The following WWOX variants were observed in gnomAD, a reference collection of about 807,000 sequenced individuals.
The protein encoded by WWOX is WW domain containing oxidoreductase, also known as WW domain-containing oxidoreductase.
A neutral mutation model predicts 46.2 loss-of-function variants in WWOX; 69 were observed. The observed-to-expected ratio is 1.49, with a 90% CI of 1.23 to 1.82. The LOEUF is 1.82. Among genes scored for constraint, WWOX ranks in the 40% most tolerant of loss-of-function variants. WWOX has a pLI of 0.00. For synonymous variants in WWOX, 359 were observed against 202.6 expected (o/e 1.77, Z -6.56); for missense variants, 919 against 542.6 (o/e 1.69, Z -6.89).
At chr16:78,299,937 C>A (rs148551148) in intron 5 of WWOX, among the ~76,000 whole-genome samples, 2 of 152,264 alleles carry the variant, frequency 1.3e-5, no homozygotes, top group African/African-American at 4.8e-5. Context: ...ATGGCAGGGA[C>A]CATCTTGCCG....
At chr16:78,657,478 C>T (rs1455736024) in intron 8 of WWOX, among the ~76,000 whole-genome samples, 2 of 152,100 alleles carry the variant, frequency 1.3e-5, no homozygotes, top group African/African-American at 2.4e-5. Flanking sequence ...CCTGCCACTA[C>T]GATGCATGCT....
chr16:78,362,264 G>T (rs560721274), intron 5 of WWOX, among the ~76,000 whole-genome samples: 26 of 152,052 alleles, frequency 1.7e-4, no homozygotes, highest in African/African-American at 5.8e-4. Flanking sequence ...CTTGTAGGAA[G>T]AACAAGAGAC....
intron 8 of WWOX, among the ~76,000 whole-genome samples, chr16:78,593,282 C>G (rs2045394550): frequency 1.3e-5 from 2 of 152,086 alleles, no homozygotes; most frequent in Admixed American, 1.3e-4. Flanking sequence ...CTCAAGCAAT[C>G]CAGCCACCTC....
intron 8 of WWOX, among the ~76,000 whole-genome samples, chr16:78,460,280 A>C (rs1031400555): frequency 1.3e-5 from 2 of 152,104 alleles, no homozygotes; most frequent in Non-Finnish European, 2.9e-5. Context: ...GGCATGCACC[A>C]CCACACCCAG....
chr16:78,959,637 G>A (rs1459966788), intron 8 of WWOX, among the ~76,000 whole-genome samples: 1 of 152,146 alleles, frequency 6.6e-6, no homozygotes, highest in Non-Finnish European at 1.5e-5. Context: ...GTGTCTTGGT[G>A]AAAGATCAAA....
chr16:78,335,351 C>T (rs999319978), intron 5 of WWOX, among the ~76,000 whole-genome samples: 2 of 152,252 alleles, frequency 1.3e-5, no homozygotes, highest in Non-Finnish European at 2.9e-5. Context: ...TCATGCAGCT[C>T]CCACTTATAA....
intron 3 of WWOX, among the ~76,000 whole-genome samples, chr16:78,110,332 T>A: frequency 9.6e-6 from 1 of 104,280 alleles, no homozygotes; most frequent in Admixed American, 1.2e-4. Context: ...AGAATGAGAC[T>A]CCTTCTCAAA....
At chr16:78,147,651 C>G (rs1377807401) in intron 4 of WWOX, among the ~76,000 whole-genome samples, 1 of 124,552 alleles carries the variant, frequency 8.0e-6, no homozygotes, top group Non-Finnish European at 1.6e-5. Flanking sequence ...CAAGGTCAAT[C>G]TGAATTTTTC....
intron 8 of WWOX, among the ~76,000 whole-genome samples, chr16:78,514,876 C>G (rs985162880): frequency 6.6e-6 from 1 of 152,050 alleles, no homozygotes; most frequent in Non-Finnish European, 1.5e-5. Flanking sequence ...GAATACAGCC[C>G]CATAAAGTGA....
chr16:79,101,996 C>T (rs931642697), intron 8 of WWOX, among the ~76,000 whole-genome samples: 7 of 142,504 alleles, frequency 4.9e-5, no homozygotes, highest in Non-Finnish European at 9.1e-5. Context: ...CATCATCTTC[C>T]TCCTCCCAGC....
intron 8 of WWOX, among the ~76,000 whole-genome samples, chr16:79,104,253 T>C (rs1357433766): frequency 3.9e-5 from 6 of 152,208 alleles, no homozygotes; most frequent in Non-Finnish European, 1.5e-5. Context: ...CTGTGTCTTA[T>C]TTTGGTCTGT....
At chr16:78,815,392 T>G (rs1243370395) in intron 8 of WWOX, among the ~76,000 whole-genome samples, 1 of 152,148 alleles carries the variant, frequency 6.6e-6, no homozygotes, top group Non-Finnish European at 1.5e-5. Flanking sequence ...TTCCTGCTGT[T>G]ACTAACTGGA....
Position 78,602,889 on chromosome 16 carries a change from G to C in WWOX, c.1056+170137G>C, listed in dbSNP as rs115195283. ...GTAATTTTTGCCAATCCTGAGACTTGAATCTCCGCTCTGTCTTCTGCATAC... is the reference window on the plus strand; with the variant it reads ...GTAATTTTTGCCAATCCTGAGACTTCAATCTCCGCTCTGTCTTCTGCATAC... On this transcript the variant is annotated intron_variant, in intron 8 of 8. Coordinates refer to ENST00000566780, the MANE Select transcript of WWOX (RefSeq NM_016373.4). Among the ~76,000 whole-genome samples the C allele has an allele frequency of 2.8e-3, 422 of 152,228 alleles. 1 individual carries two copies. Among genetic ancestry groups the C allele is most frequent in the African/African-American group, 9.9e-3 (412 of 41,550 alleles).
intron 4 of WWOX, among the ~76,000 whole-genome samples, chr16:78,116,817 A>G (rs990169492): frequency 1.3e-5 from 2 of 152,230 alleles, no homozygotes; most frequent in African/African-American, 4.8e-5. Flanking sequence ...TTATTCTCTT[A>G]ATCTTCTAGC....
chr16:78,119,100 T>G (rs2032962462), intron 4 of WWOX: 1 of 152,242 alleles, frequency 6.6e-6, no homozygotes, highest in Non-Finnish European at 1.5e-5. Flanking sequence ...AACCCCGCAG[T>G]CCTGAATGCT....
At chr16:78,672,983 C>G (rs1028085709) in intron 8 of WWOX, among the ~76,000 whole-genome samples, 3 of 152,184 alleles carry the variant, frequency 2.0e-5, no homozygotes, top group African/African-American at 7.2e-5. Context: ...CCCCGGCCAC[C>G]GCCGCCGTGT....
intron 5 of WWOX, chr16:78,355,750 T>C (rs923326968): frequency 1.5e-5 from 11 of 709,926 alleles, no homozygotes; most frequent in South Asian, 5.4e-5. Flanking sequence ...AAGAGACATA[T>C]GAATCAACAA....
At chr16:78,908,972 C>G (rs2045038785) in intron 8 of WWOX, among the ~76,000 whole-genome samples, 1 of 152,172 alleles carries the variant, frequency 6.6e-6, no homozygotes, top group South Asian at 2.1e-4. Flanking sequence ...ATTTGTTAGT[C>G]CTGCAAAGGC....
chr16:78,242,192 A>G, intron 5 of WWOX, among the ~76,000 whole-genome samples: 1 of 152,222 alleles, frequency 6.6e-6, no homozygotes. Context: ...ATTTTCTTTA[A>G]TGGGCTAAAC....
Sources: allele counts gnomAD v4.1 joint callset (sites outside exome capture counted in the v4.1 genomes callset), GRCh38; gene constraint gnomAD v4.1.1; transcripts MANE v1.5; gene names NCBI Gene and HGNC (gene_info 2026-07-23, HGNC 2026-07-21).